The following ACVR1 variants were observed in gnomAD, a reference collection of about 807,000 sequenced individuals.
The protein encoded by ACVR1 is activin A receptor type 1, also known as activin receptor type-1.
In ACVR1, 38 loss-of-function variants were observed where a neutral mutation model predicts 57.1. That is an observed-to-expected ratio of 0.67 (90% CI 0.51 to 0.87). ACVR1 has a LOEUF of 0.87. ACVR1 is among the 40% of genes least tolerant of loss of function. The probability of loss-of-function intolerance (pLI) is 0.00; values close to 1 mark genes in which losing one functional copy is unlikely to be tolerated. For synonymous variants in ACVR1, 212 were observed against 228.1 expected, an observed-to-expected ratio of 0.93 and a Z score of 0.63; for missense variants, 463 against 638.2, an observed-to-expected ratio of 0.73 and a Z score of 2.96.
intron 9 of ACVR1, among the ~76,000 whole-genome samples, chr2:157,748,478 C>T (rs985958828): frequency 2.0e-5 from 3 of 152,090 alleles, no homozygotes; most frequent in East Asian, 3.9e-4. Context: ...ATGAAGCTGA[C>T]GTGCAATTTC....
At chr2:157,804,930 C>T (rs1216333968) in intron 2 of ACVR1, among the ~76,000 whole-genome samples, 1 of 152,200 alleles carries the variant, frequency 6.6e-6, no homozygotes, top group Non-Finnish European at 1.5e-5. Flanking sequence ...TGTATGTGGG[C>T]TTGAAACCAA....
chr2:157,823,585 T>C (rs911830302), intron 1 of ACVR1, among the ~76,000 whole-genome samples: 3 of 152,180 alleles, frequency 2.0e-5, no homozygotes, highest in African/African-American at 7.2e-5. Flanking sequence ...GAAGATGGGC[T>C]TTCCTAATGT....
intron 2 of ACVR1, among the ~76,000 whole-genome samples, chr2:157,808,343 G>T (rs1687633165): frequency 6.6e-6 from 1 of 152,176 alleles, no homozygotes; most frequent in African/African-American, 2.4e-5. Context: ...CTACACTTTG[G>T]TGTGGAGAGA....
chr2:157,743,483 T>C (rs1684854236), intron 9 of ACVR1, among the ~76,000 whole-genome samples: 1 of 152,064 alleles, frequency 6.6e-6, no homozygotes, highest in African/African-American at 2.4e-5. Flanking sequence ...ACCTAGTGTA[T>C]TACAGACACT....
At position 157,818,376 on chromosome 2, in the gene ACVR1, C is replaced by G. The variant is rs1313887004; in HGVS notation, c.-8+9G>C. ...TCTGAGAGCTCCTGGGTAAAGCTTACTCAGCTACCTTAATGCAGGCTCTTG... is the reference window on the plus strand; with the variant it reads ...TCTGAGAGCTCCTGGGTAAAGCTTAGTCAGCTACCTTAATGCAGGCTCTTG... On this transcript the variant is annotated intron_variant, in intron 2 of 10. Transcript: ENST00000434821. 1 of 152,190 alleles carries G rather than the reference C, an allele frequency of 6.6e-6. No homozygotes were observed. The highest frequency in any genetic ancestry group is 2.4e-5 in the African/African-American group (1 of 41,454). 9.4% of individuals were successfully genotyped at this position (152,190 alleles called of 1,614,324 possible).
intron 1 of ACVR1, among the ~76,000 whole-genome samples, chr2:157,846,822 A>C (rs570247999): frequency 1.3e-5 from 2 of 152,364 alleles, no homozygotes; most frequent in East Asian, 3.9e-4. Context: ...AAAAGAAAAG[A>C]ATAAGCTAAT....
At position 157,738,452 on chromosome 2, in the gene ACVR1, C is replaced by A; in HGVS notation, c.1383G>T (p.Trp461Cys). 2.5e-6 allele frequency: 4 copies of A among 1,614,080 alleles called. No homozygotes were observed. Among genetic ancestry groups the A allele is most frequent in the East Asian group, 2.2e-5 (1 of 44,882 alleles). Residue 461 changes from tryptophan to cysteine, a missense_variant, in exon 10 of 11, where the codon TGG becomes TGT. Trp to Cys is a radical substitution (Grantham distance 215, BLOSUM62 -2). Transcript: ENST00000434821. ...CTGGCATTCTTACCGGGTCTGAGAA[C>A]CATCTGTTGGGTATGTTTGGCCTTT... ...DQQRPNIPNRWFSDPTLTSLA... is the reference protein window; with the variant it reads ...DQQRPNIPNRCFSDPTLTSLA...
At chr2:157,771,273 C>T (rs1686060811) in intron 6 of ACVR1, among the ~76,000 whole-genome samples, 1 of 152,206 alleles carries the variant, frequency 6.6e-6, no homozygotes. Flanking sequence ...GTGGGCTACA[C>T]TGAAAAGGCT....
chr2:157,752,031 A>G (rs1685218255), intron 9 of ACVR1, among the ~76,000 whole-genome samples: 1 of 152,134 alleles, frequency 6.6e-6, no homozygotes, highest in Non-Finnish European at 1.5e-5. Flanking sequence ...GACTACAACT[A>G]AAGACCCTCA....
chr2:157,797,659 C>T (rs929548030), intron 3 of ACVR1, among the ~76,000 whole-genome samples: 1 of 152,160 alleles, frequency 6.6e-6, no homozygotes, highest in African/African-American at 2.4e-5. Context: ...GCAGGACCAT[C>T]CCTGAGCAAC....
At chr2:157,765,789 T>C in intron 8 of ACVR1, 132 bp downstream of exon 8, 1 of 832,046 alleles carries the variant, frequency 1.2e-6, no homozygotes, top group Non-Finnish European at 1.9e-6. Flanking sequence ...TATAAAGGTG[T>C]TCATTGTAAA....
chr2:157,762,903 C>T (rs1477474608), intron 8 of ACVR1, among the ~76,000 whole-genome samples: 1 of 152,124 alleles, frequency 6.6e-6, no homozygotes. Context: ...TCTGGTTGAG[C>T]GTTCAGATGA....
chr2:157,767,879 G>A (rs1408288511), intron 7 of ACVR1, among the ~76,000 whole-genome samples: 1 of 152,182 alleles, frequency 6.6e-6, no homozygotes. Flanking sequence ...ATCATCATCG[G>A]CAACCACAAC....
chr2:157,836,439 C>A (rs1240570097), intron 1 of ACVR1, among the ~76,000 whole-genome samples: 1 of 152,116 alleles, frequency 6.6e-6, no homozygotes, highest in Admixed American at 6.5e-5. Context: ...ACAGGTTGTA[C>A]CTAAAAGCAT....
At chr2:157,766,253 G>A (rs1685856468) in intron 7 of ACVR1, 57 bp from the exon 8 acceptor site, 5 of 1,571,512 alleles carry the variant, frequency 3.2e-6, no homozygotes, top group East Asian at 2.2e-5. Flanking sequence ...ATAACTTAAA[G>A]TATTTAGAAA....
At chr2:157,751,453 C>A (rs960745327) in intron 9 of ACVR1, among the ~76,000 whole-genome samples, 1 of 152,216 alleles carries the variant, frequency 6.6e-6, no homozygotes, top group Non-Finnish European at 1.5e-5. Flanking sequence ...AGTTTCCTTG[C>A]CCGAACTCAG....
intron 2 of ACVR1, among the ~76,000 whole-genome samples, chr2:157,805,650 T>A (rs1218318914): frequency 6.6e-6 from 1 of 152,126 alleles, no homozygotes; most frequent in Non-Finnish European, 1.5e-5. Flanking sequence ...GAAACTTGCC[T>A]AAGGACACAG....
intron 2 of ACVR1, among the ~76,000 whole-genome samples, chr2:157,807,859 G>GGGT (rs1212745622): frequency 4.0e-5 from 4 of 99,304 alleles, no homozygotes; most frequent in East Asian, 4.0e-4. Context: ...TAATTTGGGG[G>GGGT]GGGGGGTGGG....
At chr2:157,738,309 T>C (rs2105216574) in intron 10 of ACVR1, 131 bp downstream of exon 10, 2 of 1,382,444 alleles carry the variant, frequency 1.4e-6, no homozygotes, top group Non-Finnish European at 2.1e-6. Context: ...AACCCTTCTA[T>C]ATAAAATAGG....
Sources: gnomAD v4.1 joint callset for allele counts (sites outside exome capture counted in the v4.1 genomes callset) on GRCh38, gnomAD v4.1.1 for gene constraint, MANE v1.5 for transcripts, NCBI Gene and HGNC (gene_info 2026-07-23, HGNC 2026-07-21) for gene names.